The following UPF2 variants were observed in gnomAD, a reference collection of about 807,000 sequenced individuals.
UPF2 encodes the protein UPF2 regulator of nonsense mediated mRNA decay.
Under a neutral mutation model 141.4 loss-of-function variants are expected in UPF2, and 17 were observed. That is an observed-to-expected ratio of 0.12 (90% confidence interval 0.08 to 0.18). The LOEUF (loss-of-function observed/expected upper bound fraction) is 0.18, where lower values mean the gene tolerates loss of function less well. Among genes scored for constraint, UPF2 ranks in the 10% least tolerant of loss-of-function variants. The pLI is 1.00. For synonymous variants in UPF2, 540 were observed against 498.0 expected (o/e 1.08, Z -1.12); for missense variants, 1,152 against 1,515.9 (o/e 0.76, Z 3.99).
At chr10:11,995,578 C>T (rs1297786531) in intron 8 of UPF2, among the ~76,000 whole-genome samples, 4 of 151,968 alleles carry the variant, frequency 2.6e-5, no homozygotes, top group African/African-American at 9.7e-5. Context: ...AAGTCAGGAG[C>T]TCAAGATCAG....
At chr10:11,930,957 C>A (rs2131152371) in intron 20 of UPF2, among the ~76,000 whole-genome samples, 1 of 152,226 alleles carries the variant, frequency 6.6e-6, no homozygotes, top group South Asian at 2.1e-4. Flanking sequence ...CACAGGAACA[C>A]CAAAACGCTA....
At chr10:12,011,510 A>G (rs1282756062) in intron 4 of UPF2, among the ~76,000 whole-genome samples, 1 of 152,156 alleles carries the variant, frequency 6.6e-6, no homozygotes, top group Non-Finnish European at 1.5e-5. Flanking sequence ...CTGAGGCACA[A>G]GAGTTGCTTA....
rs1832856907 is a variant in UPF2, at chr10:11,936,783, A to G, written c.3379-71T>C. 1 of 1,400,590 alleles carries G rather than the reference A, an allele frequency of 7.1e-7. No individual in the cohort carries two copies. Among genetic ancestry groups the G allele is most frequent in the African/African-American group, 1.5e-5 (1 of 68,700 alleles). The allele number at this position is 1,400,590 out of a possible 1,614,324, so 86.8% of individuals were successfully genotyped here. The stretch of plus-strand genomic sequence containing the variant: ...CGGATATATGTCAATATAAATTGCA[A>G]ACTCATTCAATGCTGTATTTCTTAA... On this transcript the variant is annotated intron_variant, in intron 18 of 21. Transcript: ENST00000357604. This position sits in a 1 kb window ranked among gnomAD's most constrained non-coding sequence, Gnocchi z 6.6.
intron 21 of UPF2, among the ~76,000 whole-genome samples, chr10:11,922,402 C>T (rs1239502298): frequency 6.6e-6 from 1 of 151,986 alleles, no homozygotes; most frequent in Non-Finnish European, 1.5e-5. Context: ...GGATAAGATC[C>T]GTAACTCTTC....
At chr10:11,988,208 C>T (rs532286083) in intron 8 of UPF2, among the ~76,000 whole-genome samples, 1 of 152,346 alleles carries the variant, frequency 6.6e-6, no homozygotes, top group East Asian at 1.9e-4. Context: ...CCATGAGGGA[C>T]TGGTTCCAGG....
At chr10:11,934,084 TG>T (rs1442998393) in intron 19 of UPF2, among the ~76,000 whole-genome samples, 2 of 152,156 alleles carry the variant, frequency 1.3e-5, no homozygotes, top group East Asian at 3.9e-4. Flanking sequence ...AAGCCGGTGA[TG>T]GGGGGAATGG....
intron 4 of UPF2, among the ~76,000 whole-genome samples, chr10:12,006,372 C>T (rs1471039178): frequency 6.6e-6 from 1 of 152,078 alleles, no homozygotes; most frequent in Non-Finnish European, 1.5e-5. Flanking sequence ...ATTATGAGCC[C>T]ATTCATGAAC....
At chr10:11,983,937 T>C (rs1833642474) in intron 8 of UPF2, among the ~76,000 whole-genome samples, 1 of 152,120 alleles carries the variant, frequency 6.6e-6, no homozygotes, top group African/African-American at 2.4e-5. Context: ...AACTTTTTTT[T>C]TTTGAGACGG....
chr10:12,035,011 C>G, intron 2 of UPF2, 48 bp downstream of exon 2: 1 of 1,507,558 alleles, frequency 6.6e-7, no homozygotes, highest in Non-Finnish European at 8.8e-7. Flanking sequence ...CCAAAATATT[C>G]CAATCTTCCC....
Position 11,948,268 on chromosome 10 carries a change from A to C in UPF2, c.3174+101T>G. On this transcript the variant is annotated intron_variant, in intron 16 of 21. Transcript: ENST00000357604. ...GTCTCAAAAAAAAAAAAAAAAAAAA[A>C]AACCAGGAGGAGGTCTTATGTATTA... 2.6e-6 allele frequency: 3 copies of C among 1,137,888 alleles called. No individual in the cohort carries two copies. In the South Asian group the frequency reaches 5.6e-5, roughly 21 times the overall value. 70.5% of individuals were successfully genotyped at this position (1,137,888 alleles called of 1,614,324 possible).
intron 6 of UPF2, among the ~76,000 whole-genome samples, chr10:12,001,425 AT>A (rs1158650319): frequency 6.6e-6 from 1 of 152,204 alleles, no homozygotes; most frequent in African/African-American, 2.4e-5. Flanking sequence ...AGAAAAAAAA[AT>A]AAAATAAAAA....
chr10:11,966,047 T>C (rs1347125652), intron 10 of UPF2, among the ~76,000 whole-genome samples: 1 of 152,254 alleles, frequency 6.6e-6, no homozygotes, highest in Non-Finnish European at 1.5e-5. Context: ...ACTTTAATTC[T>C]ATTTGGACAA....
intron 18 of UPF2, among the ~76,000 whole-genome samples, chr10:11,941,449 T>C (rs1832934831): frequency 6.6e-6 from 1 of 152,206 alleles, no homozygotes. Context: ...ATAACACTAA[T>C]TTGTACTTGA....
At position 11,943,109 on chromosome 10, in the gene UPF2, G is replaced by A; in HGVS notation, c.3234C>T (p.Tyr1078=). 6.2e-7 allele frequency: 1 copy of A among 1,612,398 alleles called. No homozygotes were observed. The highest frequency in any genetic ancestry group is 1.1e-5 in the South Asian group (1 of 91,036). Residue 1078 remains tyrosine (Y), a synonymous_variant, in exon 17 of 22, where the codon TAC becomes TAT. Coordinates refer to ENST00000357604, the MANE Select transcript of UPF2 (RefSeq NM_015542.4). Reference sequence around the variant, plus strand: ...CATTTTCCTTATTGGAATCTGTAAGGTAATCTGTATTCTCTTCCTCCTCTT... The same window carrying A: ...CATTTTCCTTATTGGAATCTGTAAGATAATCTGTATTCTCTTCCTCCTCTT... ...GEEEEEENTD[Y]LTDSNKENET...
chr10:12,002,303 C>T (rs118125174), intron 5 of UPF2, among the ~76,000 whole-genome samples: 2,074 of 152,150 alleles, frequency 0.014, 13 homozygotes, highest in Non-Finnish European at 0.024. Context: ...TCATTGAGAA[C>T]GAAGGCTATA....
intron 21 of UPF2, among the ~76,000 whole-genome samples, chr10:11,927,731 A>G (rs1832730352): frequency 6.6e-6 from 1 of 152,226 alleles, no homozygotes; most frequent in Non-Finnish European, 1.5e-5. Context: ...ATTATACTCA[A>G]CAGATGCTAA....
chr10:12,018,087 A>G (rs1834255423), intron 3 of UPF2, among the ~76,000 whole-genome samples: 1 of 152,258 alleles, frequency 6.6e-6, no homozygotes, highest in African/African-American at 2.4e-5. Context: ...CTAAATCCAC[A>G]GCATGCAGTA....
Position 11,956,231 on chromosome 10 carries a change from T to C in UPF2, c.2574+89A>G. 1 of 1,178,118 alleles carries C rather than the reference T, an allele frequency of 8.5e-7. No individual in the cohort carries two copies. Among genetic ancestry groups the C allele is most frequent in the Non-Finnish European group, 1.2e-6 (1 of 812,964 alleles). The allele number at this position is 1,178,118 out of a possible 1,614,324, so 73.0% of individuals were successfully genotyped here. On this transcript the variant is annotated intron_variant, in intron 13 of 21. Coordinates refer to ENST00000357604, the MANE Select transcript of UPF2 (RefSeq NM_015542.4). The surrounding 1 kb of genome is among the most constrained non-coding windows in gnomAD (Gnocchi z 4.2). Reference sequence around the variant, plus strand: ...TTTTTCTAACTAATAAATTTACAGATTCCTATAACTTGAGTCTCAATAGTA... The same window carrying C: ...TTTTTCTAACTAATAAATTTACAGACTCCTATAACTTGAGTCTCAATAGTA...
chr10:12,008,889 T>G (rs1834082826), intron 4 of UPF2, among the ~76,000 whole-genome samples: 1 of 152,058 alleles, frequency 6.6e-6, no homozygotes, highest in South Asian at 2.1e-4. Context: ...TTCCCCTCCC[T>G]GTGTCCATGT....
Sources: allele counts gnomAD v4.1 joint callset (sites outside exome capture counted in the v4.1 genomes callset), GRCh38; gene constraint gnomAD v4.1.1; non-coding constraint Gnocchi (gnomAD v3.1); transcripts MANE v1.5; gene names NCBI Gene and HGNC (gene_info 2026-07-23, HGNC 2026-07-21).